Variants in LAMA2 observed in about 807,000 individuals in gnomAD.
LAMA2 encodes laminin subunit alpha-2.
Under a neutral mutation model 364.8 loss-of-function variants are expected in LAMA2, and 269 were observed. The observed-to-expected ratio is 0.74, with a 90% CI of 0.67 to 0.82. The LOEUF (loss-of-function observed/expected upper bound fraction) is 0.82, where lower values mean the gene tolerates loss of function less well. LAMA2 is among the 40% of genes least tolerant of loss of function. LAMA2 has a pLI of 0.00. For synonymous variants in LAMA2, 1,379 were observed against 1,370.6 expected, an observed-to-expected ratio of 1.01 and a Z score of -0.14; for missense variants, 3,807 against 3,873.2, an observed-to-expected ratio of 0.98 and a Z score of 0.45.
intron 4 of LAMA2, among the ~76,000 whole-genome samples, chr6:129,127,823 A>G (rs990347548): frequency 1.3e-5 from 2 of 151,846 alleles, no homozygotes; most frequent in Admixed American, 1.3e-4. Flanking sequence ...AGCAATGTCT[A>G]TTCAGCTTCC....
chr6:129,192,677 A>G lies in LAMA2; in HGVS notation c.1609-3A>G. ...TTAATGATGACTGTGTGTTTTCTCT[A>G]AGATACAAGATATGAGTGGCTGGTA... is the stretch of plus-strand genomic sequence containing the variant. On this transcript the variant is annotated splice_region_variant and splice_polypyrimidine_tract_variant and intron_variant, in intron 11 of 64. Coordinates refer to ENST00000421865, the MANE Select transcript of LAMA2 (RefSeq NM_000426.4). 1 of 1,613,454 alleles carries G rather than the reference A, an allele frequency of 6.2e-7. No homozygotes were observed.
chr6:129,326,389 T>C (rs1014416793), intron 28 of LAMA2, among the ~76,000 whole-genome samples: 1 of 152,158 alleles, frequency 6.6e-6, no homozygotes, highest in African/African-American at 2.4e-5. Flanking sequence ...AAAAATGTGT[T>C]GTGCGTTAGA....
At chr6:129,075,869 G>T (rs1773600693) in intron 3 of LAMA2, among the ~76,000 whole-genome samples, 1 of 152,004 alleles carries the variant, frequency 6.6e-6, no homozygotes, top group African/African-American at 2.4e-5. Flanking sequence ...TGGGAGGATT[G>T]CTTAAGCCCA....
At chr6:129,329,529 T>C (rs181319278) in intron 29 of LAMA2, among the ~76,000 whole-genome samples, 2 of 152,134 alleles carry the variant, frequency 1.3e-5, no homozygotes, top group African/African-American at 4.8e-5. Context: ...ACCTGGATAT[T>C]TTTTTTATTT....
intron 22 of LAMA2, among the ~76,000 whole-genome samples, chr6:129,303,747 T>A (rs573217319): frequency 6.6e-6 from 1 of 152,174 alleles, no homozygotes; most frequent in East Asian, 1.9e-4. Context: ...AGTCTTACAA[T>A]CCTCAGATTA....
intron 22 of LAMA2, among the ~76,000 whole-genome samples, chr6:129,304,350 G>A (rs955309403): frequency 3.3e-5 from 5 of 152,118 alleles, no homozygotes; most frequent in Middle Eastern, 3.4e-3. Context: ...TGCCAGCTCC[G>A]CCTCCCGGGT....
chr6:128,929,945 TG>T, intron 1 of LAMA2: 1 of 732,548 alleles, frequency 1.4e-6, no homozygotes, highest in Non-Finnish European at 2.4e-6. Context: ...CAGCCCCACC[TG>T]GACCCACCAC....
chr6:129,105,272 A>G (rs1223102161), intron 4 of LAMA2, among the ~76,000 whole-genome samples: 1 of 152,182 alleles, frequency 6.6e-6, no homozygotes. Flanking sequence ...GCAGTGCCCC[A>G]GGGAACCAAG....
chr6:128,890,779 A>G (rs1305637432), intron 1 of LAMA2, among the ~76,000 whole-genome samples: 1 of 152,162 alleles, frequency 6.6e-6, no homozygotes, highest in Non-Finnish European at 1.5e-5. Flanking sequence ...AACGGTATTT[A>G]TTATACTGTA....
Position 129,454,186 on chromosome 6 carries a change from G to C in LAMA2, c.6605G>C (p.Gly2202Ala). The C allele has an allele frequency of 6.2e-7, 1 of 1,612,642 alleles. No homozygotes were observed. Among genetic ancestry groups the C allele is most frequent in the South Asian group, 1.1e-5 (1 of 91,050 alleles). Residue 2202 changes from glycine to alanine, a missense_variant, in exon 47 of 65, where the codon GGC becomes GCC. By Grantham distance (60) the Gly-to-Ala change is moderately conservative. Around this residue, in one of 3 missense-constraint regions of LAMA2, gnomAD observed 3,333 missense variants for 3,345.7 expected, o/e 1.00. Coordinates refer to ENST00000421865, the MANE Select transcript of LAMA2 (RefSeq NM_000426.4). Reference sequence around the variant, plus strand: ...TTTCTGGCTATAGAAATGCGTAAAGGCAAAGTCAGCTTCCTCTGGGATGTT... The same window carrying C: ...TTTCTGGCTATAGAAATGCGTAAAGCCAAAGTCAGCTTCCTCTGGGATGTT... ...IDFLAIEMRKGKVSFLWDVGS... is the reference protein window; with the variant it reads ...IDFLAIEMRKAKVSFLWDVGS...
chr6:129,253,270 A>G (rs1009200657), intron 14 of LAMA2, among the ~76,000 whole-genome samples: 2 of 152,230 alleles, frequency 1.3e-5, no homozygotes, highest in Non-Finnish European at 2.9e-5. Context: ...TAAGTTAGAC[A>G]TTCAAATGTG....
intron 1 of LAMA2, among the ~76,000 whole-genome samples, chr6:129,024,458 A>C (rs1445252646): frequency 2.7e-5 from 4 of 146,988 alleles, no homozygotes; most frequent in Non-Finnish European, 5.9e-5. Flanking sequence ...ATCTCAGCTC[A>C]CTGCAACCTC....
intron 48 of LAMA2, 108 bp downstream of exon 48, chr6:129,456,602 A>G: frequency 9.7e-7 from 1 of 1,025,842 alleles, no homozygotes. Context: ...ATCACGTTTT[A>G]CTTAACTTGC....
intron 10 of LAMA2, among the ~76,000 whole-genome samples, chr6:129,184,089 G>A (rs758146520): frequency 6.6e-6 from 1 of 151,854 alleles, no homozygotes; most frequent in African/African-American, 2.4e-5. Flanking sequence ...ATTACTTTTT[G>A]TTGTTGTTTA....
At chr6:129,025,558 G>C (rs1341169143) in intron 1 of LAMA2, among the ~76,000 whole-genome samples, 2 of 152,132 alleles carry the variant, frequency 1.3e-5, no homozygotes, top group Admixed American at 1.3e-4. Context: ...TCATACCTAA[G>C]TAGAAAGGTC....
At chr6:129,483,064 CTCGA>C (rs1562605497) in intron 55 of LAMA2, among the ~76,000 whole-genome samples, 1 of 133,744 alleles carries the variant, frequency 7.5e-6, no homozygotes, top group Non-Finnish European at 1.6e-5. Flanking sequence ...GAGACTCCGA[CTCGA>C]AAAAAAAAAA....
intron 1 of LAMA2, among the ~76,000 whole-genome samples, chr6:128,905,783 A>C (rs1213948853): frequency 4.1e-4 from 55 of 134,646 alleles, no homozygotes; most frequent in African/African-American, 7.3e-4. Flanking sequence ...ATCCCTCCCC[A>C]CTCCCCCCAC....
intron 1 of LAMA2, among the ~76,000 whole-genome samples, chr6:128,969,861 G>A: frequency 6.6e-6 from 1 of 152,202 alleles, no homozygotes; most frequent in East Asian, 1.9e-4. Context: ...TTGTATGCAA[G>A]TGGGCCTAAA....
intron 1 of LAMA2, among the ~76,000 whole-genome samples, chr6:128,890,085 G>C (rs1776361085): frequency 6.6e-6 from 1 of 152,136 alleles, no homozygotes; most frequent in Non-Finnish European, 1.5e-5. Flanking sequence ...GTATGTCTCT[G>C]TATGTGTAGT....
Sources: gnomAD v4.1 joint callset for allele counts (sites outside exome capture counted in the v4.1 genomes callset) on GRCh38, gnomAD v4.1.1 for gene constraint, gnomAD v4.1.1 regional missense constraint, MANE v1.5 for transcripts, NCBI Gene and HGNC (gene_info 2026-07-23, HGNC 2026-07-21) for gene names.